Variants in EBF1 observed in about 807,000 individuals in gnomAD.
EBF1 encodes transcription factor COE1.
EBF1 carries 10 observed loss-of-function variants against 68.4 expected under a neutral mutation model. That is an observed-to-expected ratio of 0.15 (90% CI 0.09 to 0.25). The LOEUF (loss-of-function observed/expected upper bound fraction) is 0.25, where lower values mean the gene tolerates loss of function less well. EBF1 is among the 10% of genes least tolerant of loss of function. EBF1 has a pLI of 1.00. For missense variants in EBF1, 509 were observed against 794.4 expected, an observed-to-expected ratio of 0.64 and a Z score of 4.32; for synonymous variants, 298 against 299.8, an observed-to-expected ratio of 0.99 and a Z score of 0.06.
intron 6 of EBF1, among the ~76,000 whole-genome samples, chr5:158,853,364 G>A (rs1450896877): frequency 1.3e-5 from 2 of 152,184 alleles, no homozygotes; most frequent in Non-Finnish European, 2.9e-5. Context: ...GGCTCTATCT[G>A]AGCTAGTCTC....
chr5:159,092,813 CA>C (rs1405136146), intron 4 of EBF1, among the ~76,000 whole-genome samples: 1 of 152,060 alleles, frequency 6.6e-6, no homozygotes, highest in East Asian at 1.9e-4. Context: ...ATGATGTTAT[CA>C]GAACTTATCA....
At chr5:158,915,492 C>T (rs1386240099) in intron 6 of EBF1, among the ~76,000 whole-genome samples, 2 of 152,218 alleles carry the variant, frequency 1.3e-5, no homozygotes, top group Non-Finnish European at 1.5e-5. Flanking sequence ...TCTCCGCTTC[C>T]CTTCTTTGTC....
chr5:158,945,907 T>C (rs931027690), intron 6 of EBF1, among the ~76,000 whole-genome samples: 1 of 152,198 alleles, frequency 6.6e-6, no homozygotes. Flanking sequence ...TCTAATCTTG[T>C]CTTCATGCTT....
At chr5:158,863,217 C>T (rs61045787) in intron 6 of EBF1, among the ~76,000 whole-genome samples, 48,481 of 151,968 alleles carry the variant, frequency 0.32, 8,735 homozygotes, top group South Asian at 0.57. Flanking sequence ...AAGTCCTCAC[C>T]CCTGCCCATT....
chr5:158,723,712 C>T (rs561540058), intron 11 of EBF1, among the ~76,000 whole-genome samples: 1 of 152,048 alleles, frequency 6.6e-6, no homozygotes, highest in Non-Finnish European at 1.5e-5. Flanking sequence ...GTTACTTGTC[C>T]TGTATAAATC....
intron 10 of EBF1, among the ~76,000 whole-genome samples, chr5:158,772,908 C>T (rs1325991758): frequency 1.3e-5 from 2 of 152,100 alleles, no homozygotes; most frequent in African/African-American, 4.8e-5. Flanking sequence ...ACAACCCCAG[C>T]AAGGTATTAT....
At chr5:158,771,198 A>G (rs1423533083) in intron 10 of EBF1, among the ~76,000 whole-genome samples, 41 of 152,254 alleles carry the variant, frequency 2.7e-4, no homozygotes, top group Non-Finnish European at 4.4e-5. Context: ...TTTCAAAAAT[A>G]TATATACCCA....
chr5:159,049,824 G>A (rs542340055), intron 6 of EBF1, among the ~76,000 whole-genome samples: 14 of 152,288 alleles, frequency 9.2e-5, no homozygotes, highest in Non-Finnish European at 1.8e-4. Context: ...ATCACATCGT[G>A]TTCTTGGGAG....
At chr5:158,752,200 TA>T (rs1199117324) in intron 10 of EBF1, among the ~76,000 whole-genome samples, 1 of 151,990 alleles carries the variant, frequency 6.6e-6, no homozygotes, top group Non-Finnish European at 1.5e-5. Flanking sequence ...GAGCCATTGT[TA>T]AATGAACTTT....
chr5:158,700,227 T>C (rs1056805609), intron 15 of EBF1, among the ~76,000 whole-genome samples: 3 of 152,230 alleles, frequency 2.0e-5, no homozygotes, highest in South Asian at 4.1e-4. Context: ...CACCATCCCA[T>C]GTGGCACACT....
chr5:158,782,211 C>T (rs1411623867), intron 9 of EBF1, among the ~76,000 whole-genome samples: 1 of 152,172 alleles, frequency 6.6e-6, no homozygotes, highest in Admixed American at 6.6e-5. Context: ...AAGTTGCCTG[C>T]ATTTTTGAGG....
At chr5:158,899,123 T>C (rs1394388649) in intron 6 of EBF1, among the ~76,000 whole-genome samples, 2 of 152,248 alleles carry the variant, frequency 1.3e-5, no homozygotes, top group East Asian at 3.8e-4. Context: ...AAATTACATA[T>C]TAAACTATTC....
intron 10 of EBF1, among the ~76,000 whole-genome samples, chr5:158,737,566 G>A (rs1025742358): frequency 2.0e-5 from 3 of 151,998 alleles, no homozygotes; most frequent in African/African-American, 4.8e-5. Context: ...TTACAACCGT[G>A]AGCCACCGCG....
chr5:158,761,465 C>A (rs956587886), intron 10 of EBF1, among the ~76,000 whole-genome samples: 2 of 152,172 alleles, frequency 1.3e-5, no homozygotes, highest in Admixed American at 1.3e-4. Context: ...TGTTATTTGG[C>A]AGAGAATGCT....
chr5:158,986,569 G>A (rs1352859268), intron 6 of EBF1: 3 of 152,208 alleles, frequency 2.0e-5, no homozygotes, highest in Non-Finnish European at 2.9e-5. Flanking sequence ...GGATTTGAAT[G>A]TGAAGCCTGA....
intron 6 of EBF1, among the ~76,000 whole-genome samples, chr5:158,864,998 A>G (rs796605993): frequency 5.3e-5 from 8 of 152,264 alleles, no homozygotes; most frequent in African/African-American, 1.9e-4. Context: ...CCCTCCTATC[A>G]TTTACCTTCA....
chr5:158,910,683 T>A (rs180757525), intron 6 of EBF1, among the ~76,000 whole-genome samples: 1 of 152,216 alleles, frequency 6.6e-6, no homozygotes, highest in African/African-American at 2.4e-5. Flanking sequence ...AATCTTTAAG[T>A]ATTTCTCAGA....
chr5:158,808,446 C>G (rs1396294676), intron 8 of EBF1, among the ~76,000 whole-genome samples: 1 of 152,160 alleles, frequency 6.6e-6, no homozygotes, highest in African/African-American at 2.4e-5. Context: ...ATGAGTCTGG[C>G]CCATTCTCCC....
chr5:158,752,979 A>C (rs1769255635), intron 10 of EBF1, among the ~76,000 whole-genome samples: 1 of 152,108 alleles, frequency 6.6e-6, no homozygotes, highest in African/African-American at 2.4e-5. Context: ...AATAGAAAGA[A>C]AGGGTATGTT....
Sources: allele counts gnomAD v4.1 joint callset (sites outside exome capture counted in the v4.1 genomes callset), GRCh38; gene constraint gnomAD v4.1.1; transcripts MANE v1.5; gene names NCBI Gene and HGNC (gene_info 2026-07-23, HGNC 2026-07-21).